The following PLCXD3 variants were observed in gnomAD, a reference collection of about 807,000 sequenced individuals.
PLCXD3 encodes the protein PI-PLC X domain-containing protein 3.
PLCXD3 carries 19 observed loss-of-function variants against 25.5 expected under a neutral mutation model. The ratio of observed to expected loss-of-function variants is 0.75; its 90% CI spans 0.52 to 1.09. The LOEUF is 1.09. PLCXD3 is among the 50% of genes least tolerant of loss of function. PLCXD3 has a pLI of 0.00. For synonymous variants in PLCXD3, 174 were observed against 137.6 expected (o/e 1.26, Z -1.85); for missense variants, 411 against 388.1 (o/e 1.06, Z -0.50).
At chr5:41,424,149 C>G (rs1048040494) in intron 1 of PLCXD3, among the ~76,000 whole-genome samples, 2 of 152,088 alleles carry the variant, frequency 1.3e-5, no homozygotes, top group Non-Finnish European at 2.9e-5. Context: ...TCACAATAGC[C>G]AATATATGGG....
At chr5:41,444,776 C>G (rs1356785685) in intron 1 of PLCXD3, among the ~76,000 whole-genome samples, 1 of 152,096 alleles carries the variant, frequency 6.6e-6, no homozygotes, top group Non-Finnish European at 1.5e-5. Context: ...AAGAAAATTA[C>G]TCATAGCAAA....
intron 1 of PLCXD3, among the ~76,000 whole-genome samples, chr5:41,501,763 G>A (rs1748956118): frequency 6.6e-6 from 1 of 152,122 alleles, no homozygotes; most frequent in Non-Finnish European, 1.5e-5. Context: ...GTTTCACGAA[G>A]AGAGGTGTGG....
At chr5:41,431,812 A>G (rs142515184) in intron 1 of PLCXD3, among the ~76,000 whole-genome samples, 54 of 152,310 alleles carry the variant, frequency 3.5e-4, no homozygotes, top group African/African-American at 1.1e-3. Flanking sequence ...TTAATTTCAG[A>G]ATTCAAATCA....
At chr5:41,497,024 T>G (rs1368373930) in intron 1 of PLCXD3, among the ~76,000 whole-genome samples, 1 of 151,416 alleles carries the variant, frequency 6.6e-6, no homozygotes, top group Non-Finnish European at 1.5e-5. Flanking sequence ...AGATATTTCA[T>G]GTAAAACTAA....
At chr5:41,411,324 C>G (rs535017963) in intron 1 of PLCXD3, among the ~76,000 whole-genome samples, 11 of 152,156 alleles carry the variant, frequency 7.2e-5, no homozygotes, top group South Asian at 2.1e-4. Context: ...CTTGAAATAC[C>G]AGCCTTTGAT....
At chr5:41,476,508 C>G (rs1337907942) in intron 1 of PLCXD3, among the ~76,000 whole-genome samples, 1 of 152,156 alleles carries the variant, frequency 6.6e-6, no homozygotes, top group Non-Finnish European at 1.5e-5. Context: ...ATCTAATGAG[C>G]TTTTCTGGTT....
intron 1 of PLCXD3, among the ~76,000 whole-genome samples, chr5:41,486,074 T>C (rs1437317875): frequency 1.3e-5 from 2 of 152,092 alleles, no homozygotes; most frequent in Non-Finnish European, 1.5e-5. Flanking sequence ...ATGGAACCCT[T>C]CTCATTCTAG....
Position 41,382,515 on chromosome 5 carries a change from G to C in PLCXD3, c.123C>G (p.Ser41Arg), listed in dbSNP as rs542392195. ...CTGGAGAGGCTTCATCAATGTAGAAGCTGAAGGAATCATGAGACCCTAGGA... is the reference window on the plus strand; with the variant it reads ...CTGGAGAGGCTTCATCAATGTAGAACCTGAAGGAATCATGAGACCCTAGGA... ...LAIPGSHDSF[S>R]FYIDEASPVG... The change falls in exon 2 of 3, where the codon AGC becomes AGG. Residue 41 changes from serine to arginine, a missense_variant. By Grantham distance (110) the Ser-to-Arg change is moderately radical. Transcript: ENST00000377801. 2 of 1,598,884 alleles carry C rather than the reference G, an allele frequency of 1.3e-6. No homozygotes were observed. Among genetic ancestry groups the C allele is most frequent in the Non-Finnish European group, 1.7e-6 (2 of 1,176,204 alleles).
chr5:41,485,854 A>G (rs1326530304), intron 1 of PLCXD3, among the ~76,000 whole-genome samples: 1 of 152,124 alleles, frequency 6.6e-6, no homozygotes, highest in Non-Finnish European at 1.5e-5. Flanking sequence ...GTTTCTACTG[A>G]CCTGCTCTTA....
chr5:41,421,994 TA>T (rs1488559057), intron 1 of PLCXD3, among the ~76,000 whole-genome samples: 2 of 152,104 alleles, frequency 1.3e-5, no homozygotes, highest in African/African-American at 4.8e-5. Context: ...TTTCCATATA[TA>T]TATATATATT....
In PLCXD3 at chr5:41,381,992, A is replaced by G; in HGVS notation, c.646T>C (p.Trp216Arg). 6.2e-7 allele frequency: 1 copy of G among 1,613,566 alleles called. No homozygotes were observed. The highest frequency in any genetic ancestry group is 8.5e-7 in the Non-Finnish European group (1 of 1,179,734). The stretch of plus-strand genomic sequence containing the variant: ...TTCTCGGGGTCTGTGGTGTTGGCCC[A>G]GGGTGCTGGCATCATCTGCCCAGGC... ...LWPGQMMPAP[W>R]ANTTDPEKLI... The change falls in exon 2 of 3, where the codon TGG becomes CGG. Residue 216 changes from tryptophan to arginine, a missense_variant. Transcript: ENST00000377801.
intron 1 of PLCXD3, among the ~76,000 whole-genome samples, chr5:41,412,800 A>G (rs558254055): frequency 6.6e-6 from 1 of 152,230 alleles, no homozygotes; most frequent in East Asian, 1.9e-4. Flanking sequence ...ACTTGGTGAC[A>G]TACAATTTAG....
intron 2 of PLCXD3, among the ~76,000 whole-genome samples, chr5:41,376,550 A>G (rs948244892): frequency 6.6e-6 from 1 of 151,830 alleles, no homozygotes. Flanking sequence ...ACCAACCCTG[A>G]TTTCTCTTGT....
At chr5:41,374,712 C>A (rs1745235004) in intron 2 of PLCXD3, among the ~76,000 whole-genome samples, 1 of 152,100 alleles carries the variant, frequency 6.6e-6, no homozygotes, top group African/African-American at 2.4e-5. Context: ...CCTTGTTGTT[C>A]TTTCTCCTCA....
intron 1 of PLCXD3, among the ~76,000 whole-genome samples, chr5:41,493,531 C>T (rs1437674998): frequency 1.3e-5 from 2 of 152,242 alleles, no homozygotes; most frequent in Non-Finnish European, 2.9e-5. Context: ...TGCCTTGCCC[C>T]CAGAGGTGGA....
At chr5:41,317,544 A>G (rs1470097731) in intron 2 of PLCXD3, among the ~76,000 whole-genome samples, 1 of 152,084 alleles carries the variant, frequency 6.6e-6, no homozygotes, top group Admixed American at 6.5e-5. Context: ...AATCCTGGAG[A>G]AACAGAGATA....
At chr5:41,484,281 T>A (rs552842685) in intron 1 of PLCXD3, among the ~76,000 whole-genome samples, 1 of 151,922 alleles carries the variant, frequency 6.6e-6, no homozygotes, top group East Asian at 1.9e-4. Context: ...ACTAACTGTA[T>A]TCTAAAATAT....
At chr5:41,409,803 C>A (rs1373604576) in intron 1 of PLCXD3, among the ~76,000 whole-genome samples, 1 of 152,190 alleles carries the variant, frequency 6.6e-6, no homozygotes, top group Non-Finnish European at 1.5e-5. Flanking sequence ...ACATCCTCAT[C>A]TATAAATAGG....
At chr5:41,424,215 T>C (rs1393093175) in intron 1 of PLCXD3, among the ~76,000 whole-genome samples, 1 of 152,176 alleles carries the variant, frequency 6.6e-6, no homozygotes, top group East Asian at 1.9e-4. Context: ...ATTATTACTT[T>C]ATATATTTTT....
Sources: allele counts gnomAD v4.1 joint callset (sites outside exome capture counted in the v4.1 genomes callset), GRCh38; gene constraint gnomAD v4.1.1; transcripts MANE v1.5; gene names NCBI Gene and HGNC (gene_info 2026-07-23, HGNC 2026-07-21).